Variants in MDGA2 observed in about 807,000 individuals in gnomAD.
MDGA2 encodes MAM domain-containing glycosylphosphatidylinositol anchor protein 2.
Under a neutral mutation model 117.8 loss-of-function variants are expected in MDGA2, and 40 were observed. That is an observed-to-expected ratio of 0.34 (90% CI 0.26 to 0.44). The LOEUF is 0.44. MDGA2 is among the 20% of genes least tolerant of loss of function. MDGA2 has a pLI of 1.00. For synonymous variants in MDGA2, 452 were observed against 439.0 expected (o/e 1.03, Z -0.37); for missense variants, 1,123 against 1,250.6 (o/e 0.90, Z 1.54).
At chr14:47,536,215 A>G (rs1393561360) in intron 1 of MDGA2, among the ~76,000 whole-genome samples, 1 of 152,218 alleles carries the variant, frequency 6.6e-6, no homozygotes, top group Non-Finnish European at 1.5e-5. Context: ...AATTCAATCT[A>G]TCACAAAGAC....
chr14:47,673,632 A>ATGTGTGTGTGTGTGTGTGTGTGTG (rs10528657), intron 1 of MDGA2, among the ~76,000 whole-genome samples: 4 of 143,980 alleles, frequency 2.8e-5, no homozygotes, highest in East Asian at 2.1e-4. Context: ...TATGACCTGG[A>ATGTGTGTGTGTGTGTGTGTGTGTG]TGTGTGTGTG....
intron 3 of MDGA2, among the ~76,000 whole-genome samples, chr14:47,150,939 AAAAAG>A (rs1290980299): frequency 1.3e-5 from 2 of 151,744 alleles, no homozygotes; most frequent in Non-Finnish European, 2.9e-5. Flanking sequence ...AAAAAAAAAA[AAAAAG>A]AGCTATCAGT....
At chr14:47,039,359 T>TC (rs765945737) in intron 7 of MDGA2, among the ~76,000 whole-genome samples, 3 of 152,234 alleles carry the variant, frequency 2.0e-5, no homozygotes, top group African/African-American at 4.8e-5. Context: ...TTTCCTCTTG[T>TC]CCACCACTTC....
chr14:46,871,988 T>C (rs1882021754), intron 14 of MDGA2: 1 of 234,396 alleles, frequency 4.3e-6, no homozygotes. Context: ...AAAATAAAAA[T>C]AAATTATAAA....
At chr14:47,005,901 AATTT>A (rs1887692421) in intron 8 of MDGA2, among the ~76,000 whole-genome samples, 1 of 151,584 alleles carries the variant, frequency 6.6e-6, no homozygotes, top group Non-Finnish European at 1.5e-5. Flanking sequence ...CTATTGTTAA[AATTT>A]TTTTAAAAAT....
At chr14:47,100,335 T>G (rs550314180) in intron 5 of MDGA2, among the ~76,000 whole-genome samples, 35 of 152,156 alleles carry the variant, frequency 2.3e-4, no homozygotes, top group East Asian at 1.9e-3. Flanking sequence ...ATTACAAGCT[T>G]CTTCTTCTGC....
chr14:47,375,234 CT>C (rs889422206), intron 1 of MDGA2, among the ~76,000 whole-genome samples: 4 of 151,242 alleles, frequency 2.6e-5, no homozygotes, highest in African/African-American at 7.3e-5. Context: ...AGTTAATTTT[CT>C]TTTTCGTAAC....
chr14:46,905,719 T>C (rs1008459907), intron 10 of MDGA2, among the ~76,000 whole-genome samples: 1 of 152,122 alleles, frequency 6.6e-6, no homozygotes, highest in African/African-American at 2.4e-5. Flanking sequence ...TTCATAAGCA[T>C]AAAGTTCAAT....
At chr14:47,095,562 CATT>C (rs927224267) in intron 6 of MDGA2, among the ~76,000 whole-genome samples, 8 of 151,684 alleles carry the variant, frequency 5.3e-5, no homozygotes, top group Non-Finnish European at 7.4e-5. Context: ...TCTCATAAGA[CATT>C]ATGGTAGTTT....
intron 2 of MDGA2, among the ~76,000 whole-genome samples, chr14:47,252,299 T>G (rs1241901822): frequency 6.6e-6 from 1 of 152,164 alleles, no homozygotes; most frequent in Non-Finnish European, 1.5e-5. Context: ...AAATTACTAA[T>G]TTTATTCAGG....
chr14:47,554,604 C>T (rs1210359960), intron 1 of MDGA2, among the ~76,000 whole-genome samples: 2 of 152,040 alleles, frequency 1.3e-5, no homozygotes, highest in African/African-American at 4.8e-5. Flanking sequence ...TTTAATGTTA[C>T]GTGTTTTGTT....
chr14:47,192,381 G>C (rs945648127), intron 3 of MDGA2, among the ~76,000 whole-genome samples: 15 of 152,084 alleles, frequency 9.9e-5, no homozygotes, highest in African/African-American at 3.4e-4. Context: ...TTGGGAGGCC[G>C]AGGTGGGTGG....
intron 2 of MDGA2, among the ~76,000 whole-genome samples, chr14:47,245,597 G>A (rs1329672499): frequency 6.6e-6 from 1 of 151,752 alleles, no homozygotes; most frequent in East Asian, 1.9e-4. Flanking sequence ...TGAAATAAGA[G>A]AAAAATTTTT....
intron 8 of MDGA2, among the ~76,000 whole-genome samples, chr14:47,015,255 A>T (rs929567970): frequency 5.3e-5 from 8 of 152,080 alleles, no homozygotes; most frequent in Non-Finnish European, 1.0e-4. Context: ...ATAATAATAA[A>T]AAAGTTTGAA....
intron 1 of MDGA2, among the ~76,000 whole-genome samples, chr14:47,532,497 C>G (rs765818772): frequency 6.6e-6 from 1 of 152,192 alleles, no homozygotes; most frequent in Non-Finnish European, 1.5e-5. Context: ...TAGGGCCATA[C>G]CTCTAGCCCT....
intron 2 of MDGA2, among the ~76,000 whole-genome samples, chr14:47,273,941 T>C (rs1301581559): frequency 6.6e-6 from 1 of 152,050 alleles, no homozygotes; most frequent in African/African-American, 2.4e-5. Flanking sequence ...TCAACATAAA[T>C]ATAAGCACAA....
chr14:47,642,042 T>G (rs1897435343), intron 1 of MDGA2, among the ~76,000 whole-genome samples: 1 of 151,986 alleles, frequency 6.6e-6, no homozygotes, highest in Admixed American at 6.5e-5. Flanking sequence ...ATGTGTAACG[T>G]AGGAAAAATT....
At chr14:47,075,500 T>A (rs1157737539) in intron 6 of MDGA2, among the ~76,000 whole-genome samples, 4 of 152,162 alleles carry the variant, frequency 2.6e-5, no homozygotes, top group Non-Finnish European at 5.9e-5. Flanking sequence ...TTGTCAATTA[T>A]CAGACAACTG....
At chr14:46,944,150 A>G (rs1181325506) in intron 9 of MDGA2, among the ~76,000 whole-genome samples, 1 of 151,990 alleles carries the variant, frequency 6.6e-6, no homozygotes, top group East Asian at 1.9e-4. Flanking sequence ...ATATTTTTGT[A>G]CTGCAGTTTC....
Sources: allele counts gnomAD v4.1 joint callset (sites outside exome capture counted in the v4.1 genomes callset), GRCh38; gene constraint gnomAD v4.1.1; transcripts MANE v1.5; gene names NCBI Gene and HGNC (gene_info 2026-07-23, HGNC 2026-07-21).